The following TRPM2 variants were observed in gnomAD, a reference collection of about 807,000 sequenced individuals.
The protein encoded by TRPM2 is estrogen-responsive element-associated gene 1 protein.
Under a neutral mutation model 174.0 loss-of-function variants are expected in TRPM2, and 161 were observed. That is an observed-to-expected ratio of 0.93 (90% confidence interval 0.81 to 1.05). The LOEUF (loss-of-function observed/expected upper bound fraction) is 1.05. Among genes scored for constraint, TRPM2 ranks in the 50% least tolerant of loss-of-function variants. TRPM2 has a pLI of 0.00. For missense variants in TRPM2, 2,057 were observed against 2,038.0 expected (o/e 1.01, Z -0.18); for synonymous variants, 954 against 861.3 (o/e 1.11, Z -1.88).
Position 44,439,366 on chromosome 21 carries a change from G to T in TRPM2, c.4269+198G>T, listed in dbSNP as rs895398577. Reference sequence around the variant, plus strand: ...ACCCGGAAGCATAGCTGTGTGCAGGGCCCCTCAGACATCTCGCCCTCCCTC... The same window carrying T: ...ACCCGGAAGCATAGCTGTGTGCAGGTCCCCTCAGACATCTCGCCCTCCCTC... On this transcript the variant is annotated intron_variant, in intron 30 of 31. Coordinates refer to ENST00000397928, the MANE Select transcript of TRPM2 (RefSeq NM_003307.4). This position sits in a 1 kb window ranked among gnomAD's most constrained non-coding sequence, Gnocchi z 5.1. Among the ~76,000 whole-genome samples, 1 of 152,120 alleles carries T rather than the reference G, an allele frequency of 6.6e-6. No homozygotes were observed. Among genetic ancestry groups the T allele is most frequent in the African/African-American group, 2.4e-5 (1 of 41,410 alleles).
chr21:44,396,962 T>C (rs1204370293), intron 12 of TRPM2, among the ~76,000 whole-genome samples: 7 of 146,520 alleles, frequency 4.8e-5, no homozygotes, highest in Non-Finnish European at 1.1e-4. Flanking sequence ...TGTGGAGGGT[T>C]GTGGGCGTCT....
intron 27 of TRPM2, among the ~76,000 whole-genome samples, chr21:44,428,373 T>C (rs2050882269): frequency 6.6e-6 from 1 of 151,920 alleles, no homozygotes. Context: ...TCCCCTGAGG[T>C]GTGGCTCCTC....
chr21:44,438,028 C>T lies in TRPM2; in HGVS notation c.4167+861C>T, dbSNP rs905132659. ...CGAGCTCACGGCCTGGTGGCTGCCT[C>T]TGCTGCTGTGGGAGTGTGTGTGCCA... is the stretch of plus-strand genomic sequence containing the variant. On this transcript the variant is annotated intron_variant, in intron 29 of 31. Transcript: ENST00000397928. This position sits in a 1 kb window ranked among gnomAD's most constrained non-coding sequence, Gnocchi z 5.9. Among the ~76,000 whole-genome samples, 2 of 152,264 alleles carry T rather than the reference C, an allele frequency of 1.3e-5. No individual in the cohort carries two copies. Among genetic ancestry groups the T allele is most frequent in the African/African-American group, 4.8e-5 (2 of 41,472 alleles).
At chr21:44,379,275 GACTCATGGACCGATGCGGAGA>G in intron 8 of TRPM2, 78 bp downstream of exon 8, 1 of 1,525,910 alleles carries the variant, frequency 6.6e-7, no homozygotes, top group Admixed American at 1.7e-5. Flanking sequence ...GCAGGACCAG[GACTCATGGACCGATGCGGAGA>G]ACCCACTGGG....
upstream of TRPM2, among the ~76,000 whole-genome samples, chr21:44,350,744 C>G (rs2122996257): frequency 2.8e-4 from 42 of 151,856 alleles, no homozygotes; most frequent in South Asian, 1.2e-3. Context: ...CGGACTGGAG[C>G]ACCCAGTGTG....
chr21:44,351,720 G>A (rs201223817), upstream of TRPM2, among the ~76,000 whole-genome samples: 7 of 152,208 alleles, frequency 4.6e-5, no homozygotes, highest in East Asian at 1.3e-3. Context: ...GTCCTGTTGG[G>A]CACTGGGTCG....
intron 4 of TRPM2, among the ~76,000 whole-genome samples, chr21:44,368,847 G>C (rs1464985824): frequency 6.6e-6 from 1 of 152,188 alleles, no homozygotes; most frequent in African/African-American, 2.4e-5. Context: ...GAAGCACTCT[G>C]CCGCACCTGG....
At chr21:44,380,995 G>T (rs970579746) in intron 8 of TRPM2, among the ~76,000 whole-genome samples, 23 of 152,192 alleles carry the variant, frequency 1.5e-4, no homozygotes, top group African/African-American at 5.1e-4. Flanking sequence ...GAGGATGGGG[G>T]TGCTGAAAGC....
rs1032993560 is a variant in TRPM2 at position 44,426,752 on chromosome 21, T to A, written c.3872+16T>A. The A allele has an allele frequency of 8.1e-6, 13 of 1,613,322 alleles. No individual in the cohort carries two copies. Among genetic ancestry groups the A allele is most frequent in the African/African-American group, 1.3e-5 (1 of 74,902 alleles). On this transcript the variant is annotated intron_variant, in intron 26 of 31. Coordinates refer to ENST00000397928, the MANE Select transcript of TRPM2 (RefSeq NM_003307.4). ...CCATGGGAGAGTGAGTATGAGCCGC[T>A]GTCCGTGCTCCCAGCTGGCCCCAAA...
At chr21:44,371,114 G>A (rs2048527026) in intron 5 of TRPM2, among the ~76,000 whole-genome samples, 1 of 152,238 alleles carries the variant, frequency 6.6e-6, no homozygotes, top group African/African-American at 2.4e-5. Flanking sequence ...TGTTGGCGGG[G>A]CCACCTCCCT....
chr21:44,368,726 C>A (rs1382858879), intron 4 of TRPM2, among the ~76,000 whole-genome samples: 1 of 152,172 alleles, frequency 6.6e-6, no homozygotes, highest in Non-Finnish European at 1.5e-5. Flanking sequence ...GCCACCGTGC[C>A]CGGCCGGAGG....
At chr21:44,360,939 G>A (rs2048191553) in intron 2 of TRPM2, among the ~76,000 whole-genome samples, 1 of 151,814 alleles carries the variant, frequency 6.6e-6, no homozygotes, top group Non-Finnish European at 1.5e-5. Flanking sequence ...CATCTCCACC[G>A]AGCTCTTCCT....
rs773509362 is a variant in TRPM2, at chr21:44,369,355, C to T, written c.771+12C>T. On this transcript the variant is annotated intron_variant, in intron 5 of 31. Coordinates refer to ENST00000397928, the MANE Select transcript of TRPM2 (RefSeq NM_003307.4). ...TGATCCATCCCACGGTGAGTGCGGCCCCCTAGGGAGGGGAGCCTAAGACCA... is the reference window on the plus strand; with the variant it reads ...TGATCCATCCCACGGTGAGTGCGGCTCCCTAGGGAGGGGAGCCTAAGACCA... 3 of 1,599,852 alleles carry T rather than the reference C, an allele frequency of 1.9e-6. No individual in the cohort carries two copies. Among genetic ancestry groups the T allele is most frequent in the Middle Eastern group, 3.3e-4 (2 of 5,982 alleles).
chr21:44,402,394 G>A (rs994381074), intron 16 of TRPM2, among the ~76,000 whole-genome samples: 2 of 152,202 alleles, frequency 1.3e-5, no homozygotes, highest in Admixed American at 1.3e-4. Context: ...AGGGCATCCG[G>A]CCAGTCCCTC....
At chr21:44,360,218 A>G (rs1417155821) in intron 2 of TRPM2, among the ~76,000 whole-genome samples, 1 of 152,238 alleles carries the variant, frequency 6.6e-6, no homozygotes, top group African/African-American at 2.4e-5. Flanking sequence ...AAGAAAAAAG[A>G]GGGAAGTTAG....
At chr21:44,361,070 C>A (rs569498288) in intron 2 of TRPM2, among the ~76,000 whole-genome samples, 1 of 152,168 alleles carries the variant, frequency 6.6e-6, no homozygotes, top group African/African-American at 2.4e-5. Flanking sequence ...TGGAATCATA[C>A]GCTACATGAC....
chr21:44,424,064 G>A (rs1219111270), intron 23 of TRPM2, among the ~76,000 whole-genome samples: 4 of 152,160 alleles, frequency 2.6e-5, no homozygotes, highest in Non-Finnish European at 2.9e-5. Context: ...TGGAGAGGCC[G>A]CAAGACCGAG....
chr21:44,375,694 G>T (rs1315199402), intron 5 of TRPM2, 139 bp from the exon 6 acceptor site: 2 of 942,786 alleles, frequency 2.1e-6, no homozygotes, highest in Non-Finnish European at 3.1e-6. Flanking sequence ...CATGTGCAAA[G>T]TCGCTTTCTC....
At chr21:44,388,071 T>A (rs150224700) in intron 9 of TRPM2, among the ~76,000 whole-genome samples, 211 of 152,262 alleles carry the variant, frequency 1.4e-3, no homozygotes, top group African/African-American at 4.4e-3. Flanking sequence ...ACCCCCAAAT[T>A]TAAAGCAGGG....
Sources: gnomAD v4.1 joint callset for allele counts (sites outside exome capture counted in the v4.1 genomes callset) on GRCh38, gnomAD v4.1.1 for gene constraint, Gnocchi (gnomAD v3.1) non-coding constraint, MANE v1.5 for transcripts, NCBI Gene and HGNC (gene_info 2026-07-23, HGNC 2026-07-21) for gene names.